The following KLF2 variants were observed in gnomAD, a reference collection of about 807,000 sequenced individuals.
KLF2 encodes Krueppel-like factor 2.
In KLF2, 9 loss-of-function variants were observed where a neutral mutation model predicts 22.2. The observed-to-expected ratio is 0.40, with a 90% CI of 0.24 to 0.71. The LOEUF is 0.71. Among genes scored for constraint, KLF2 ranks in the 30% least tolerant of loss-of-function variants. KLF2 has a pLI of 0.35. For synonymous variants in KLF2, 299 were observed against 264.2 expected (o/e 1.13, Z -1.28); for missense variants, 481 against 542.1 (o/e 0.89, Z 1.12).
In KLF2 at chr19:16,326,040, G is replaced by C. The variant is rs1229076762; in HGVS notation, c.892+8G>C. The C allele has an allele frequency of 6.5e-7, 1 of 1,540,976 alleles. No individual in the cohort carries two copies. On this transcript the variant is annotated splice_region_variant and intron_variant, in intron 2 of 2. Transcript: ENST00000248071. ...ATCTGCGCACGCACACAGGTGGGCG[G>C]CACGCACGAGCCAGGAGCGCAGGCG... is the stretch of plus-strand genomic sequence containing the variant.
intron 2 of KLF2, 104 bp from the exon 3 acceptor site, chr19:16,326,752 G>C (rs2091891375): frequency 1.8e-6 from 2 of 1,134,800 alleles, no homozygotes; most frequent in Middle Eastern, 2.3e-4. Flanking sequence ...ACCGCGGGGA[G>C]CGCGTCAAGG....
In KLF2 at chr19:16,324,835, TC is replaced by T. The variant is rs2091882527; in HGVS notation, c.-85del. 2.6e-6 allele frequency: 3 copies of T among 1,148,674 alleles called. No homozygotes were observed. The highest frequency in any genetic ancestry group is 1.6e-5 in the African/African-American group (1 of 60,778). 71.2% of individuals were successfully genotyped at this position (1,148,674 alleles called of 1,614,324 possible). ...GGCCCGGCCGCGGCCCACAGAGCCG[TC>T]CCCGCCCGCCCGCGCCCCGACCAGC... is the stretch of plus-strand genomic sequence containing the variant. On this transcript the variant is annotated 5_prime_UTR_variant, in exon 1 of 3. Coordinates refer to ENST00000248071, the MANE Select transcript of KLF2 (RefSeq NM_016270.4).
intron 2 of KLF2, among the ~76,000 whole-genome samples, chr19:16,326,557 G>C (rs2091890868): frequency 6.6e-6 from 1 of 152,054 alleles, no homozygotes; most frequent in Non-Finnish European, 1.5e-5. Context: ...TGTTCGCTGG[G>C]AAACCTTGAG....
intron 2 of KLF2, 36 bp downstream of exon 2, chr19:16,326,068 G>A (rs570470637): frequency 1.3e-6 from 2 of 1,522,952 alleles, no homozygotes; most frequent in East Asian, 2.6e-5. Context: ...CGCAGGCGGG[G>A]GGACGCGGGA....
In KLF2 at chr19:16,326,882, G is replaced by A. The variant is rs372974017; in HGVS notation, c.919G>A (p.Asp307Asn). The A allele has an allele frequency of 1.9e-6, 3 of 1,612,536 alleles. No individual in the cohort carries two copies. Among genetic ancestry groups the A allele is most frequent in the African/African-American group, 2.7e-5 (2 of 74,904 alleles). The change falls in exon 3 of 3, where the codon GAC (aspartate) becomes AAC (asparagine). Residue 307 changes from aspartate to asparagine, a missense_variant. Asp to Asn is a conservative substitution (Grantham distance 23). Around this residue, in one of 2 missense-constraint regions of KLF2, gnomAD observed 60 missense variants for 107.0 expected, o/e 0.56. Transcript: ENST00000248071. ...TGAGAAGCCCTACCACTGCAACTGG[G>A]ACGGCTGCGGCTGGAAGTTTGCGCG... The part of the protein sequence containing the change: ...TGEKPYHCNW[D>N]GCGWKFARSD...
At chr19:16,325,036 G>A in intron 1 of KLF2, 38 bp downstream of exon 1, 1 of 1,519,446 alleles carries the variant, frequency 6.6e-7, no homozygotes, top group East Asian at 2.5e-5. Context: ...CCGGGACCGT[G>A]GGCGGCGGGC....
At position 16,327,589 on chromosome 19, in the gene KLF2, G is replaced by C. The variant is rs1020676644; in HGVS notation, c.*558G>C. The C allele has an allele frequency of 7.6e-5, 10 of 131,464 alleles. No homozygotes were observed. Among genetic ancestry groups the C allele is most frequent in the African/African-American group, 2.3e-4 (8 of 34,614 alleles). The allele number at this position is 131,464 out of a possible 1,614,324, so 8.1% of individuals were successfully genotyped here. A position where few individuals can be genotyped will look rare whatever the true frequency, so the allele number is the denominator to read the frequency against. ...GGGGCCTTGGGGCACTTGGGAGGAG[G>C]GGGGAGCGGAGAGTTTGATGGAGGG... On this transcript the variant is annotated 3_prime_UTR_variant, in exon 3 of 3. Transcript: ENST00000248071.
chr19:16,325,081 G>A, intron 1 of KLF2, 83 bp downstream of exon 1: 1 of 1,381,884 alleles, frequency 7.2e-7, no homozygotes, highest in Non-Finnish European at 9.7e-7. Flanking sequence ...GGGGTGACAG[G>A]ACGCGAAGGC....
chr19:16,324,899 C>G lies in KLF2; in HGVS notation c.-25C>G. 2 of 1,582,526 alleles carry G rather than the reference C, an allele frequency of 1.3e-6. No individual in the cohort carries two copies. The highest frequency in any genetic ancestry group is 1.7e-6 in the Non-Finnish European group (2 of 1,164,390). ...AGCCACTCACCGGTGTCCCCGTCCGCGTCCTTTCTCCCCGGGTCCCGGCCA... is the reference window on the plus strand; with the variant it reads ...AGCCACTCACCGGTGTCCCCGTCCGGGTCCTTTCTCCCCGGGTCCCGGCCA... On this transcript the variant is annotated 5_prime_UTR_variant, in exon 1 of 3. Coordinates refer to ENST00000248071, the MANE Select transcript of KLF2 (RefSeq NM_016270.4).
Position 16,325,204 on chromosome 19 carries a change from T to G in KLF2, c.76-12T>G. On this transcript the variant is annotated splice_polypyrimidine_tract_variant and intron_variant, in intron 1 of 2. Coordinates refer to ENST00000248071, the MANE Select transcript of KLF2 (RefSeq NM_016270.4). ...CGCCGCCCGCTCACGCCCATTGCCC[T>G]GTCGCCCGCAGCGCTGGCCGCGCGC... The G allele has an allele frequency of 2.0e-6, 3 of 1,504,292 alleles. No individual in the cohort carries two copies. Among genetic ancestry groups the G allele is most frequent in the African/African-American group, 1.5e-5 (1 of 68,538 alleles). 93.2% of individuals were successfully genotyped at this position (1,504,292 alleles called of 1,614,324 possible).
In KLF2 at chr19:16,325,030, G is replaced by T; in HGVS notation, c.75+32G>T. On this transcript the variant is annotated intron_variant, in intron 1 of 2. Coordinates refer to ENST00000248071, the MANE Select transcript of KLF2 (RefSeq NM_016270.4). The stretch of plus-strand genomic sequence containing the variant: ...GCGGCGGGGACGGCGGGGCGGCCGG[G>T]ACCGTGGGCGGCGGGCTCGGGGTAG... 4 of 1,533,752 alleles carry T rather than the reference G, an allele frequency of 2.6e-6. 1 individual carries two copies. The highest frequency in any genetic ancestry group is 2.4e-5 in the South Asian group (2 of 83,058).
chr19:16,325,040 G>T, intron 1 of KLF2, 42 bp downstream of exon 1: 1 of 1,506,444 alleles, frequency 6.6e-7, no homozygotes. Context: ...GACCGTGGGC[G>T]GCGGGCTCGG....
At position 16,327,504 on chromosome 19, in the gene KLF2, A is replaced by T. The variant is rs8810; in HGVS notation, c.*473A>T. On this transcript the variant is annotated 3_prime_UTR_variant, in exon 3 of 3. Transcript: ENST00000248071. Reference sequence around the variant, plus strand: ...ATTTTGCTGGGTTGGTTTTTTTTTTAATTAAAAAGTTTTGCATCTTTTAAA... The same window carrying T: ...ATTTTGCTGGGTTGGTTTTTTTTTTTATTAAAAAGTTTTGCATCTTTTAAA... 36,603 of 151,138 alleles carry T rather than the reference A, an allele frequency of 0.24. 5,128 individuals are homozygous for T. Among genetic ancestry groups the T allele is most frequent in the South Asian group, 0.39 (1,936 of 5,014 alleles). The allele number at this position is 151,138 out of a possible 1,614,324, so 9.4% of individuals were successfully genotyped here. A position where few individuals can be genotyped will look rare whatever the true frequency, so the allele number is the denominator to read the frequency against.
rs768860517 is a variant in KLF2 at position 16,327,370 on chromosome 19, T to A, written c.*339T>A. 9 of 242,894 alleles carry A rather than the reference T, an allele frequency of 3.7e-5. No individual in the cohort carries two copies. The highest frequency in any genetic ancestry group is 6.4e-5 in the Non-Finnish European group (8 of 124,276). 15.0% of individuals were successfully genotyped at this position (242,894 alleles called of 1,614,324 possible). On this transcript the variant is annotated 3_prime_UTR_variant, in exon 3 of 3. Coordinates refer to ENST00000248071, the MANE Select transcript of KLF2 (RefSeq NM_016270.4). Reference sequence around the variant, plus strand: ...GAGAAATAAGGGCCTTAATTTGTACTGTCTGCGGCATTTTTTATAATATTG... The same window carrying A: ...GAGAAATAAGGGCCTTAATTTGTACAGTCTGCGGCATTTTTTATAATATTG...
Position 16,327,089 on chromosome 19 carries a change from G to C in KLF2, c.*58G>C. 1 of 1,447,434 alleles carries C rather than the reference G, an allele frequency of 6.9e-7. No individual in the cohort carries two copies. Among genetic ancestry groups the C allele is most frequent in the Non-Finnish European group, 9.2e-7 (1 of 1,090,360 alleles). 89.7% of individuals were successfully genotyped at this position (1,447,434 alleles called of 1,614,324 possible). On this transcript the variant is annotated 3_prime_UTR_variant, in exon 3 of 3. Coordinates refer to ENST00000248071, the MANE Select transcript of KLF2 (RefSeq NM_016270.4). ...TGGCGGGTCCCACGCGCCGGGCGCGGCCCCCTCCCAAACTGTGACTGGTAT... is the reference window on the plus strand; with the variant it reads ...TGGCGGGTCCCACGCGCCGGGCGCGCCCCCCTCCCAAACTGTGACTGGTAT...
chr19:16,325,512 G>T lies in KLF2; in HGVS notation c.372G>T (p.Glu124Asp). The change falls in exon 2 of 3, where the codon GAG becomes GAT. Residue 124 changes from glutamate to aspartate, a missense_variant. By Grantham distance (45) the Glu-to-Asp change is conservative. Around this residue, in one of 2 missense-constraint regions of KLF2, gnomAD observed 421 missense variants for 435.1 expected, o/e 0.97. Transcript: ENST00000248071. ...LAPPGRLVKA[E>D]PPEADGGGGY... ...CGCCCGGCCGCCTGGTCAAGGCCGA[G>T]CCCCCTGAAGCGGACGGCGGCGGCG... The T allele has an allele frequency of 7.7e-7, 1 of 1,293,578 alleles. No homozygotes were observed. Among genetic ancestry groups the T allele is most frequent in the Non-Finnish European group, 9.8e-7 (1 of 1,024,480 alleles). 80.1% of individuals were successfully genotyped at this position (1,293,578 alleles called of 1,614,324 possible).
In KLF2 at chr19:16,326,828, G is replaced by A. The variant is rs747977706; in HGVS notation, c.893-28G>A. ...CGTGCCCTGTCCTGGGAGGGGAACTGACGCTTACTCTCGCCCCCTCCCTGC... is the reference window on the plus strand; with the variant it reads ...CGTGCCCTGTCCTGGGAGGGGAACTAACGCTTACTCTCGCCCCCTCCCTGC... On this transcript the variant is annotated intron_variant, in intron 2 of 2. Transcript: ENST00000248071. The A allele has an allele frequency of 1.5e-5, 24 of 1,595,308 alleles. No individual in the cohort carries two copies. The Middle Eastern group carries it at 6.6e-4, about 44-fold the overall frequency.
rs766251954 is a variant in KLF2 at position 16,325,011 on chromosome 19, G to A, written c.75+13G>A. On this transcript the variant is annotated intron_variant, in intron 1 of 2. Transcript: ENST00000248071. The stretch of plus-strand genomic sequence containing the variant: ...CGGCCTGCAGGAGGTGAGGGCGGCG[G>A]GGACGGCGGGGCGGCCGGGACCGTG... 21 of 1,568,796 alleles carry A rather than the reference G, an allele frequency of 1.3e-5. No homozygotes were observed. Among genetic ancestry groups the A allele is most frequent in the Non-Finnish European group, 1.8e-5 (21 of 1,158,786 alleles).
chr19:16,325,458 CGCACTGCACGGCCGCTTTCTGCTG>C lies in KLF2; in HGVS notation c.321_344del (p.Leu108_Ala115del). On this transcript the variant is annotated inframe_deletion, in exon 2 of 3. Coordinates refer to ENST00000248071, the MANE Select transcript of KLF2 (RefSeq NM_016270.4). Reference sequence around the variant, plus strand: ...CCGAGCTGGATGCGCCGCTGGGGCCCGCACTGCACGGCCGCTTTCTGCTGGCGCCGCCCGGCCGCCTGGTCAAGG... The same window carrying C: ...CCGAGCTGGATGCGCCGCTGGGGCCCGCGCCGCCCGGCCGCCTGGTCAAGG... 2 of 1,400,118 alleles carry C rather than the reference CGCACTGCACGGCCGCTTTCTGCTG, an allele frequency of 1.4e-6. No homozygotes were observed. The highest frequency in any genetic ancestry group is 1.8e-6 in the Non-Finnish European group (2 of 1,082,858). 86.7% of individuals were successfully genotyped at this position (1,400,118 alleles called of 1,614,324 possible). A position where few individuals can be genotyped will look rare whatever the true frequency, so the allele number is the denominator to read the frequency against.
Sources: gnomAD v4.1 joint callset for allele counts (sites outside exome capture counted in the v4.1 genomes callset) on GRCh38, gnomAD v4.1.1 for gene constraint, gnomAD v4.1.1 regional missense constraint, MANE v1.5 for transcripts, NCBI Gene and HGNC (gene_info 2026-07-23, HGNC 2026-07-21) for gene names.